PCCB: variants seen among roughly 807,000 people sequenced by gnomAD.
The protein encoded by PCCB is propionyl-CoA carboxylase subunit beta, also known as propionyl-CoA carboxylase beta chain, mitochondrial.
PCCB carries 43 observed loss-of-function variants against 60.7 expected under a neutral mutation model. The ratio of observed to expected loss-of-function variants is 0.71; its 90% CI spans 0.55 to 0.91. The LOEUF is 0.91. Among genes scored for constraint, PCCB ranks in the 40% least tolerant of loss-of-function variants. The pLI is 0.00. For synonymous variants in PCCB, 276 were observed against 255.9 expected, an observed-to-expected ratio of 1.08 and a Z score of -0.75; for missense variants, 766 against 702.8, an observed-to-expected ratio of 1.09 and a Z score of -1.02.
intron 9 of PCCB, 93 bp from the exon 10 acceptor site, chr3:136,316,848 G>A (rs1476288834): frequency 1.4e-6 from 2 of 1,455,864 alleles, no homozygotes; most frequent in Non-Finnish European, 1.9e-6. Context: ...CTCTACCTCT[G>A]TAATTCTGTA....
At chr3:136,327,510 C>A in intron 12 of PCCB, 124 bp from the exon 13 acceptor site, 2 of 799,574 alleles carry the variant, frequency 2.5e-6, no homozygotes, top group Non-Finnish European at 4.4e-6. Flanking sequence ...AGACCGTGGG[C>A]CTTCAGGAGC....
At chr3:136,292,921 A>C (rs1000173065) in intron 6 of PCCB, among the ~76,000 whole-genome samples, 1 of 152,314 alleles carries the variant, frequency 6.6e-6, no homozygotes, top group South Asian at 2.1e-4. Context: ...CCTCTGTTTA[A>C]ATTTTATGCA....
chr3:136,316,225 A>C (rs971054567), intron 9 of PCCB, among the ~76,000 whole-genome samples: 3 of 151,958 alleles, frequency 2.0e-5, no homozygotes, highest in Non-Finnish European at 4.4e-5. Context: ...GTCTCAAAAA[A>C]AGAAAAAAAA....
chr3:136,252,141 C>T (rs1941534276), intron 1 of PCCB, among the ~76,000 whole-genome samples: 1 of 152,034 alleles, frequency 6.6e-6, no homozygotes, highest in Non-Finnish European at 1.5e-5. Flanking sequence ...CTTGGCGTCC[C>T]AAAGTGTTGG....
intron 8 of PCCB, among the ~76,000 whole-genome samples, chr3:136,299,457 T>C (rs1934103872): frequency 6.6e-6 from 1 of 151,458 alleles, no homozygotes; most frequent in Non-Finnish European, 1.5e-5. Context: ...TATGTATGCA[T>C]GTGTATGTAT....
chr3:136,296,619 T>A (rs1394501055), intron 7 of PCCB, among the ~76,000 whole-genome samples: 3 of 152,228 alleles, frequency 2.0e-5, no homozygotes, highest in Non-Finnish European at 4.4e-5. Flanking sequence ...TCTCTTTGAT[T>A]TCTGAGTTAA....
intron 5 of PCCB, among the ~76,000 whole-genome samples, chr3:136,271,449 A>G (rs1274635635): frequency 1.3e-5 from 2 of 152,152 alleles, no homozygotes; most frequent in Admixed American, 6.6e-5. Context: ...GCTTTGGGCC[A>G]TATGATCGTT....
At chr3:136,328,620 A>G (rs1935419391) in intron 13 of PCCB, 138 bp from the exon 14 acceptor site, 3 of 707,750 alleles carry the variant, frequency 4.2e-6, no homozygotes, top group African/African-American at 1.7e-5. Flanking sequence ...CCTCTATGCT[A>G]TGGCCTTTAG....
At chr3:136,277,961 G>C (rs1942376359) in intron 5 of PCCB, among the ~76,000 whole-genome samples, 1 of 152,138 alleles carries the variant, frequency 6.6e-6, no homozygotes, top group Non-Finnish European at 1.5e-5. Context: ...TGGGAGGTAT[G>C]GGTTCTGGAC....
At chr3:136,317,918 AATACC>A (rs1934968127) in intron 10 of PCCB, among the ~76,000 whole-genome samples, 1 of 152,204 alleles carries the variant, frequency 6.6e-6, no homozygotes. Flanking sequence ...GGGGACTGTG[AATACC>A]ACTTCTCTCC....
At chr3:136,309,151 T>C (rs543829279) in intron 9 of PCCB, among the ~76,000 whole-genome samples, 1 of 150,334 alleles carries the variant, frequency 6.7e-6, no homozygotes, top group East Asian at 2.0e-4. Flanking sequence ...TAATCCCAGG[T>C]ACTCAGGAGG....
intron 5 of PCCB, among the ~76,000 whole-genome samples, chr3:136,280,547 T>C (rs969504517): frequency 6.6e-6 from 1 of 152,256 alleles, no homozygotes; most frequent in African/African-American, 2.4e-5. Flanking sequence ...GGTTTCACCA[T>C]GTTGCCCAGG....
intron 9 of PCCB, among the ~76,000 whole-genome samples, chr3:136,313,285 TA>T: frequency 6.6e-6 from 1 of 152,368 alleles, no homozygotes; most frequent in East Asian, 1.9e-4. Flanking sequence ...TTGTCATTTG[TA>T]ATTGCGAGAT....
At chr3:136,286,924 G>A (rs754018618) in intron 6 of PCCB, among the ~76,000 whole-genome samples, 4 of 151,828 alleles carry the variant, frequency 2.6e-5, no homozygotes, top group Non-Finnish European at 4.4e-5. Flanking sequence ...CCAGCTACTC[G>A]GGAGGCTGAG....
chr3:136,314,853 A>G (rs1233476485), intron 9 of PCCB, among the ~76,000 whole-genome samples: 1 of 152,172 alleles, frequency 6.6e-6, no homozygotes, highest in African/African-American at 2.4e-5. Flanking sequence ...TTCCTCACAA[A>G]ATTCTTATTA....
intron 5 of PCCB, among the ~76,000 whole-genome samples, chr3:136,281,505 T>C (rs1360674794): frequency 6.6e-6 from 1 of 152,106 alleles, no homozygotes; most frequent in Non-Finnish European, 1.5e-5. Context: ...GTTCAGACAT[T>C]GATTTCCTGA....
At chr3:136,297,849 G>A (rs1447857323) in intron 7 of PCCB, 103 bp from the exon 8 acceptor site, 2 of 1,279,474 alleles carry the variant, frequency 1.6e-6, no homozygotes, top group Non-Finnish European at 2.3e-6. Context: ...TATCAGCACG[G>A]TCTGCTACTG....
At chr3:136,291,574 C>T (rs569813704) in intron 6 of PCCB, among the ~76,000 whole-genome samples, 3 of 152,224 alleles carry the variant, frequency 2.0e-5, no homozygotes, top group South Asian at 2.1e-4. Flanking sequence ...CTCAGTCTCT[C>T]GTACTTTTTT....
At chr3:136,316,842 A>G (rs1934914137) in intron 9 of PCCB, 99 bp from the exon 10 acceptor site, 2 of 1,401,146 alleles carry the variant, frequency 1.4e-6, no homozygotes, top group African/African-American at 1.4e-5. Context: ...GTCTACCTCT[A>G]CCTCTGTAAT....
Sources: gnomAD v4.1 joint callset for allele counts (sites outside exome capture counted in the v4.1 genomes callset) on GRCh38, gnomAD v4.1.1 for gene constraint, MANE v1.5 for transcripts, NCBI Gene and HGNC (gene_info 2026-07-23, HGNC 2026-07-21) for gene names.